Variants in PRUNE2 observed in about 807,000 individuals in gnomAD.
PRUNE2 encodes protein prune homolog 2.
In PRUNE2, 164 loss-of-function variants were observed where a neutral mutation model predicts 252.0. The observed-to-expected ratio is 0.65, with a 90% CI of 0.57 to 0.74. The LOEUF (loss-of-function observed/expected upper bound fraction) is 0.74, where lower values mean the gene tolerates loss of function less well. Among genes scored for constraint, PRUNE2 ranks in the 30% least tolerant of loss-of-function variants. The probability of loss-of-function intolerance (pLI) is 0.00; values close to 1 mark genes in which losing one functional copy is unlikely to be tolerated. For synonymous variants in PRUNE2, 1,292 were observed against 1,350.2 expected, an observed-to-expected ratio of 0.96 and a Z score of 0.94; for missense variants, 3,495 against 3,711.0, an observed-to-expected ratio of 0.94 and a Z score of 1.51.
At chr9:76,699,040 C>T in intron 9 of PRUNE2, among the ~76,000 whole-genome samples, 1 of 123,318 alleles carries the variant, frequency 8.1e-6, no homozygotes, top group Non-Finnish European at 1.7e-5. Context: ...CCCACCCCAC[C>T]CCCACCCCCT....
rs1175762720 is a variant in PRUNE2 at position 76,900,741 on chromosome 9, C to G, written c.36+5187G>C. Among the ~76,000 whole-genome samples the G allele has an allele frequency of 2.6e-5, 4 of 152,108 alleles. No individual in the cohort carries two copies. In the East Asian group the frequency reaches 7.7e-4, roughly 29 times the overall value. On this transcript the variant is annotated intron_variant, in intron 1 of 18. Transcript: ENST00000376718. ...TCCCCTGATATTGTTTCCTCTTTTG[C>G]AGCCTTTATCCAGATCCAAGTATTC...
At chr9:76,615,895 G>C (rs974038491) in intron 18 of PRUNE2, among the ~76,000 whole-genome samples, 1 of 148,076 alleles carries the variant, frequency 6.8e-6, no homozygotes, top group African/African-American at 2.5e-5. Context: ...TCAGCCTCCC[G>C]AGTAGCTGGG....
At chr9:76,831,150 C>T (rs572434545) in intron 4 of PRUNE2, among the ~76,000 whole-genome samples, 92 of 151,956 alleles carry the variant, frequency 6.1e-4, no homozygotes, top group Non-Finnish European at 1.2e-3. Flanking sequence ...AGCATGGTCT[C>T]GATCTCCTGA....
chr9:76,807,874 T>C (rs2057084079), intron 6 of PRUNE2, among the ~76,000 whole-genome samples: 1 of 152,190 alleles, frequency 6.6e-6, no homozygotes, highest in Non-Finnish European at 1.5e-5. Flanking sequence ...TCTGTCATTT[T>C]CTCCATTAGA....
chr9:76,814,039 C>A (rs917593305), intron 6 of PRUNE2, among the ~76,000 whole-genome samples: 1 of 152,196 alleles, frequency 6.6e-6, no homozygotes, highest in Non-Finnish European at 1.5e-5. Context: ...GTCTCTAACT[C>A]CCAGCCTCAG....
intron 1 of PRUNE2, among the ~76,000 whole-genome samples, chr9:76,880,665 G>T (rs888081989): frequency 6.6e-6 from 1 of 152,144 alleles, no homozygotes; most frequent in Non-Finnish European, 1.5e-5. Context: ...GATCAAATGG[G>T]AAGTACGCAT....
intron 6 of PRUNE2, among the ~76,000 whole-genome samples, chr9:76,727,871 T>C (rs1479484143): frequency 1.3e-5 from 2 of 151,846 alleles, no homozygotes; most frequent in East Asian, 1.9e-4. Context: ...CAAGCCACCA[T>C]GCTTGGCTAA....
intron 3 of PRUNE2, among the ~76,000 whole-genome samples, chr9:76,847,997 C>A (rs1374430395): frequency 1.3e-5 from 2 of 152,218 alleles, no homozygotes; most frequent in Non-Finnish European, 2.9e-5. Flanking sequence ...GGCATGGTGG[C>A]TCACGCCTGT....
chr9:76,864,835 T>C (rs1377667185), intron 1 of PRUNE2, among the ~76,000 whole-genome samples: 3 of 152,192 alleles, frequency 2.0e-5, no homozygotes, highest in Admixed American at 2.0e-4. Context: ...CTTCTTTATT[T>C]TGGCTCATCA....
In PRUNE2 at chr9:76,707,410, A is replaced by G. The variant is rs2046388468; in HGVS notation, c.4864T>C (p.Leu1622=). Residue 1622 remains leucine (L), a synonymous_variant, in exon 8 of 19, where the codon TTA becomes CTA. Coordinates refer to ENST00000376718, the MANE Select transcript of PRUNE2 (RefSeq NM_015225.3). ...TCAACTGAGTCATTCCAGATCTCTA[A>G]AAATGTAGGAGTTTTGCGATCAAAG... ...KSFDRKTPTF[L]EIWNDSVDGD... 6.2e-7 allele frequency: 1 copy of G among 1,614,006 alleles called. No individual in the cohort carries two copies. The highest frequency in any genetic ancestry group is 2.2e-5 in the East Asian group (1 of 44,884).
At chr9:76,846,808 G>A (rs544960714) in intron 3 of PRUNE2, 130 bp from the exon 4 acceptor site, 1 of 662,140 alleles carries the variant, frequency 1.5e-6, no homozygotes, top group African/African-American at 1.8e-5. Flanking sequence ...GAACTCACAT[G>A]ACTCAGAAGA....
chr9:76,638,132 C>A, intron 13 of PRUNE2, 54 bp downstream of exon 13: 1 of 1,078,598 alleles, frequency 9.3e-7, no homozygotes, highest in Non-Finnish European at 1.4e-6. Context: ...GCTCTATCTG[C>A]CATTACATGC....
intron 6 of PRUNE2, chr9:76,819,652 T>A (rs948477573): frequency 7.2e-5 from 11 of 152,184 alleles, no homozygotes; most frequent in African/African-American, 2.7e-4. Context: ...TTGATCATAA[T>A]AAAAAGTGAT....
intron 6 of PRUNE2, among the ~76,000 whole-genome samples, chr9:76,798,916 G>T (rs1220564093): frequency 6.6e-6 from 1 of 152,188 alleles, no homozygotes; most frequent in Non-Finnish European, 1.5e-5. Flanking sequence ...AGGCTTTGAG[G>T]AAAAGGGACA....
At chr9:76,698,505 G>A (rs888629031) in intron 9 of PRUNE2, among the ~76,000 whole-genome samples, 14 of 152,184 alleles carry the variant, frequency 9.2e-5, no homozygotes, top group Non-Finnish European at 1.3e-4. Flanking sequence ...AGGCAAGGGC[G>A]CACTGGAGTT....
intron 6 of PRUNE2, chr9:76,808,519 C>T (rs1396360479): frequency 1.3e-5 from 2 of 152,292 alleles, no homozygotes; most frequent in Non-Finnish European, 2.9e-5. Context: ...ATTTGAAGCT[C>T]TCAGCCTATT....
intron 6 of PRUNE2, among the ~76,000 whole-genome samples, chr9:76,813,624 T>C (rs2057499909): frequency 6.6e-6 from 1 of 152,218 alleles, no homozygotes; most frequent in African/African-American, 2.4e-5. Context: ...TTCAGTTTCT[T>C]GTAAAGGGAG....
At chr9:76,692,307 A>C in intron 9 of PRUNE2, 1 of 589,732 alleles carries the variant, frequency 1.7e-6, no homozygotes, top group Non-Finnish European at 3.0e-6. Flanking sequence ...ATTTGGGAAT[A>C]TACGATACCC....
chr9:76,716,189 T>C (rs943156172), intron 6 of PRUNE2, among the ~76,000 whole-genome samples: 24 of 152,192 alleles, frequency 1.6e-4, no homozygotes, highest in African/African-American at 5.8e-4. Flanking sequence ...TGTGGAAAGT[T>C]TCCTATTCAA....
Sources: allele counts gnomAD v4.1 joint callset (sites outside exome capture counted in the v4.1 genomes callset), GRCh38; gene constraint gnomAD v4.1.1; transcripts MANE v1.5; gene names NCBI Gene and HGNC (gene_info 2026-07-23, HGNC 2026-07-21).